The following USO1 variants were observed in gnomAD, a reference collection of about 807,000 sequenced individuals.
USO1 encodes the protein USO1 vesicle transport factor.
USO1 carries 57 observed loss-of-function variants against 124.5 expected under a neutral mutation model. That is an observed-to-expected ratio of 0.46 (90% confidence interval 0.37 to 0.57). The LOEUF (loss-of-function observed/expected upper bound fraction) is 0.57. Among genes scored for constraint, USO1 ranks in the 20% least tolerant of loss-of-function variants. The pLI, the probability that USO1 is intolerant of heterozygous loss-of-function variation, is 0.00. For missense variants in USO1, 900 were observed against 1,040.6 expected, an observed-to-expected ratio of 0.86 and a Z score of 1.86; for synonymous variants, 369 against 362.8, an observed-to-expected ratio of 1.02 and a Z score of -0.19.
chr4:75,762,162 T>G (rs1721624753), intron 4 of USO1, among the ~76,000 whole-genome samples: 1 of 137,890 alleles, frequency 7.3e-6, no homozygotes, highest in African/African-American at 2.7e-5. Context: ...AGAACAATTT[T>G]ACTTTTTTTT....
intron 9 of USO1, among the ~76,000 whole-genome samples, 155 bp downstream of exon 9, chr4:75,783,013 C>G (rs956543704): frequency 6.6e-6 from 1 of 152,162 alleles, no homozygotes; most frequent in African/African-American, 2.4e-5. Context: ...TATCCTCTAG[C>G]TAGAGATCTT....
Position 75,788,388 on chromosome 4 carries a change from G to A in USO1, c.996+1186G>A, listed in dbSNP as rs1457409682. On this transcript the variant is annotated intron_variant, in intron 10 of 23. Coordinates refer to ENST00000514213, the MANE Select transcript of USO1 (RefSeq NM_003715.4). ...TCACCATGTTGGCCAAGCTGGTCTC[G>A]AACTCCTGACCTCAAATGATCCACC... Among the ~76,000 whole-genome samples, 8 of 150,774 alleles carry A rather than the reference G, an allele frequency of 5.3e-5. No homozygotes were observed. The East Asian group carries it at 9.8e-4, about 18-fold the overall frequency.
chr4:75,779,719 A>G (rs1722166590), intron 8 of USO1, among the ~76,000 whole-genome samples: 1 of 152,250 alleles, frequency 6.6e-6, no homozygotes, highest in African/African-American at 2.4e-5. Context: ...TAAGGAAAGA[A>G]GCTGTCTCCC....
intron 13 of USO1, among the ~76,000 whole-genome samples, chr4:75,798,752 G>A (rs771090933): frequency 6.6e-5 from 10 of 151,548 alleles, no homozygotes; most frequent in African/African-American, 2.4e-5. Flanking sequence ...ATTATATTTC[G>A]GACATTTTAT....
intron 7 of USO1, among the ~76,000 whole-genome samples, chr4:75,773,286 G>A (rs575048985): frequency 6.6e-6 from 1 of 151,812 alleles, no homozygotes; most frequent in East Asian, 1.9e-4. Flanking sequence ...TGTAATGTCT[G>A]GATTATTGGT....
chr4:75,760,021 C>G (rs1383087012), intron 4 of USO1, among the ~76,000 whole-genome samples: 1 of 151,832 alleles, frequency 6.6e-6, no homozygotes, highest in Non-Finnish European at 1.5e-5. Context: ...AGACCAGTCT[C>G]ACCAACATGG....
At chr4:75,768,200 G>A (rs552897024) in intron 4 of USO1, among the ~76,000 whole-genome samples, 3 of 151,940 alleles carry the variant, frequency 2.0e-5, no homozygotes, top group South Asian at 2.1e-4. Flanking sequence ...ATTTTTTGTA[G>A]AGACAAGTTC....
intron 1 of USO1, among the ~76,000 whole-genome samples, chr4:75,725,155 C>T (rs931034166): frequency 6.6e-6 from 1 of 152,218 alleles, no homozygotes; most frequent in African/African-American, 2.4e-5. Context: ...GAGAGTGGTC[C>T]GCAGGTGGTA....
Position 75,787,170 on chromosome 4 carries a change from G to A in USO1, c.964G>A (p.Ala322Thr), listed in dbSNP as rs773082317. ...LLQQLCTILM[A>T]TGVPADILTE... The stretch of plus-strand genomic sequence containing the variant: ...GCAGCAGCTTTGTACTATCCTAATG[G>A]CTACTGGGGTTCCTGCTGATATCCT... The change falls in exon 10 of 24, where the codon GCT (alanine) becomes ACT (threonine). Residue 322 changes from alanine (A) to threonine (T), a missense_variant. Physicochemically the swap from Ala to Thr is moderately conservative, Grantham distance 58. Coordinates refer to ENST00000514213, the MANE Select transcript of USO1 (RefSeq NM_003715.4). The A allele has an allele frequency of 2.0e-5, 31 of 1,565,956 alleles. No homozygotes were observed. Among genetic ancestry groups the A allele is most frequent in the Non-Finnish European group, 2.4e-5 (28 of 1,158,716 alleles).
At chr4:75,757,695 T>A in intron 4 of USO1, 122 bp downstream of exon 4, 1 of 937,016 alleles carries the variant, frequency 1.1e-6, no homozygotes, top group Non-Finnish European at 1.4e-6. Flanking sequence ...CTTTTTTCAT[T>A]AAAAAATTTA....
rs553158554 is a variant in USO1, at chr4:75,775,233, G to A, written c.676+437G>A. On this transcript the variant is annotated intron_variant, in intron 8 of 23. Transcript: ENST00000514213. ...GCTAGTTAATTATTGTAATTAGGAA[G>A]ATTTTCAAAGTGATACGAACCCCAG... Among the ~76,000 whole-genome samples the A allele has an allele frequency of 2.0e-3, 305 of 152,164 alleles. 1 individual carries two copies. Among genetic ancestry groups the A allele is most frequent in the Middle Eastern group, 0.01 (3 of 294 alleles).
chr4:75,782,800 G>T lies in USO1; in HGVS notation c.797G>T (p.Gly266Val). The change falls in exon 9 of 24, where the codon GGA becomes GTA. Residue 266 changes from glycine to valine, a missense_variant. Physicochemically the swap from Gly to Val is moderately radical, Grantham distance 109. Transcript: ENST00000514213. Reference protein sequence around the residue: ...IQRMKPWFEVGDENSGWSAQK... With the variant: ...IQRMKPWFEVVDENSGWSAQK... ...CGTATGAAACCTTGGTTTGAAGTTG[G>T]AGATGAAAATTCTGGCTGGTCTGCA... 2 of 1,606,232 alleles carry T rather than the reference G, an allele frequency of 1.2e-6. No homozygotes were observed. The highest frequency in any genetic ancestry group is 2.2e-5 in the South Asian group (2 of 89,034).
At chr4:75,781,567 A>G (rs1025143934) in intron 8 of USO1, among the ~76,000 whole-genome samples, 2 of 152,214 alleles carry the variant, frequency 1.3e-5, no homozygotes, top group African/African-American at 2.4e-5. Flanking sequence ...TGCACACTTA[A>G]TAAATTACAT....
At chr4:75,736,600 G>A (rs997484040) in intron 1 of USO1, among the ~76,000 whole-genome samples, 5 of 152,022 alleles carry the variant, frequency 3.3e-5, no homozygotes, top group African/African-American at 4.8e-5. Context: ...ACCGCGCCTG[G>A]CCAGCTTACC....
At chr4:75,799,943 ATTTCTTTT>A (rs1212996483) in intron 14 of USO1, among the ~76,000 whole-genome samples, 1 of 149,024 alleles carries the variant, frequency 6.7e-6, no homozygotes, top group Non-Finnish European at 1.5e-5. Context: ...TATATATGAA[ATTTCTTTT>A]TTTTTTTTTT....
chr4:75,772,245 A>AT lies in USO1; in HGVS notation c.555+1117dup, dbSNP rs544954119. ...ACAGTATGTAACTTACAAGAAGGAC[A>AT]TTTTTTTTTGAGATGGAGTCTAGCT... is the stretch of plus-strand genomic sequence containing the variant. On this transcript the variant is annotated intron_variant, in intron 7 of 23. Transcript: ENST00000514213. Among the ~76,000 whole-genome samples, 1,135 of 151,328 alleles carry AT rather than the reference A, an allele frequency of 7.5e-3. 14 individuals are homozygous for AT. The highest frequency in any genetic ancestry group is 0.026 in the African/African-American group (1,068 of 41,314).
At chr4:75,791,379 C>G (rs541148436) in intron 12 of USO1, among the ~76,000 whole-genome samples, 1 of 152,134 alleles carries the variant, frequency 6.6e-6, no homozygotes, top group Non-Finnish European at 1.5e-5. Context: ...CAAAAATTAG[C>G]TGGGCGTGGT....
At chr4:75,807,668 CTT>C (rs3839119) in intron 20 of USO1, among the ~76,000 whole-genome samples, 15,089 of 152,064 alleles carry the variant, frequency 0.099, 872 homozygotes, top group Middle Eastern at 0.17. Context: ...TTAATATGCT[CTT>C]TTGGTTTTAT....
intron 22 of USO1, 117 bp downstream of exon 22, chr4:75,810,656 T>A: frequency 8.0e-7 from 1 of 1,250,052 alleles, no homozygotes; most frequent in Non-Finnish European, 1.1e-6. Context: ...TGTAATTTTA[T>A]CTCACAACAT....
Sources: gnomAD v4.1 joint callset for allele counts (sites outside exome capture counted in the v4.1 genomes callset) on GRCh38, gnomAD v4.1.1 for gene constraint, MANE v1.5 for transcripts, NCBI Gene and HGNC (gene_info 2026-07-23, HGNC 2026-07-21) for gene names.